FHIT: variants seen among roughly 807,000 people sequenced by gnomAD.
FHIT encodes the protein fragile histidine triad diadenosine triphosphatase.
FHIT carries 19 observed loss-of-function variants against 17.9 expected under a neutral mutation model. The observed-to-expected ratio is 1.06, with a 90% CI of 0.74 to 1.56. The LOEUF (loss-of-function observed/expected upper bound fraction) is 1.56, where lower values mean the gene tolerates loss of function less well. Ranked by LOEUF, FHIT falls within the 40% of genes most tolerant of loss-of-function variation. The pLI, the probability that FHIT is intolerant of heterozygous loss-of-function variation, is 0.00. For synonymous variants in FHIT, 81 were observed against 69.7 expected (o/e 1.16, Z -0.81); for missense variants, 248 against 189.2 (o/e 1.31, Z -1.82).
At chr3:60,932,821 T>C (rs1708028117) in intron 3 of FHIT, among the ~76,000 whole-genome samples, 1 of 152,154 alleles carries the variant, frequency 6.6e-6, no homozygotes, top group Non-Finnish European at 1.5e-5. Flanking sequence ...GGGTAGCCCC[T>C]AGCAGTTGGT....
In FHIT at chr3:60,731,839, G is replaced by A. The variant is rs574662636; in HGVS notation, c.-18+90080C>T. Among the ~76,000 whole-genome samples the A allele has an allele frequency of 2.5e-4, 38 of 152,232 alleles. No homozygotes were observed. The South Asian group carries it at 6.0e-3, about 24-fold the overall frequency. ...ACTGCCTGACCATCACCTGATGGTCGCCTGACATTCCTGGTGGGATGTGGG... is the reference window on the plus strand; with the variant it reads ...ACTGCCTGACCATCACCTGATGGTCACCTGACATTCCTGGTGGGATGTGGG... On this transcript the variant is annotated intron_variant, in intron 4 of 9. Transcript: ENST00000492590.
At chr3:60,372,121 T>A (rs916295241) in intron 5 of FHIT, among the ~76,000 whole-genome samples, 1 of 152,172 alleles carries the variant, frequency 6.6e-6, no homozygotes, top group Non-Finnish European at 1.5e-5. Context: ...TTTACCCAAA[T>A]GGTCTCTGAA....
intron 7 of FHIT, among the ~76,000 whole-genome samples, chr3:59,986,498 AATATATATAT>A (rs74199531): frequency 8.0e-5 from 5 of 62,334 alleles, no homozygotes; most frequent in African/African-American, 1.4e-4. Flanking sequence ...AGTAGTCCAA[AATATATATAT>A]ATATATATAT....
At chr3:60,724,394 T>G (rs1577119907) in intron 4 of FHIT, among the ~76,000 whole-genome samples, 2 of 152,226 alleles carry the variant, frequency 1.3e-5, no homozygotes, top group Admixed American at 1.3e-4. Context: ...AATGGAACTT[T>G]GTATTGTTTC....
At chr3:60,907,949 G>C (rs1706522983) in intron 3 of FHIT, among the ~76,000 whole-genome samples, 1 of 152,202 alleles carries the variant, frequency 6.6e-6, no homozygotes, top group African/African-American at 2.4e-5. Flanking sequence ...GCCCAGGCTA[G>C]TAAGTGGAGT....
rs368574081 is a variant in FHIT, at chr3:59,786,112, T to A, written c.349-33791A>T. On this transcript the variant is annotated intron_variant, in intron 8 of 9. Transcript: ENST00000492590. Reference sequence around the variant, plus strand: ...AAATGGGGGTAAGGAGGGAAACTTATCATCCTTTTCAGCCAGGTCTGGGCC... The same window carrying A: ...AAATGGGGGTAAGGAGGGAAACTTAACATCCTTTTCAGCCAGGTCTGGGCC... Among the ~76,000 whole-genome samples, 1,436 of 152,252 alleles carry A rather than the reference T, an allele frequency of 9.4e-3. 20 individuals are homozygous for A. The highest frequency in any genetic ancestry group is 0.017 in the Middle Eastern group (5 of 294).
intron 8 of FHIT, among the ~76,000 whole-genome samples, chr3:59,919,851 C>T (rs1398723729): frequency 1.3e-5 from 2 of 152,178 alleles, no homozygotes; most frequent in African/African-American, 4.8e-5. Context: ...TGATTAAGAT[C>T]ATTTGGTCTA....
intron 5 of FHIT, among the ~76,000 whole-genome samples, chr3:60,206,326 A>G (rs1703187926): frequency 6.6e-6 from 1 of 151,964 alleles, no homozygotes; most frequent in Non-Finnish European, 1.5e-5. Context: ...CCATAGTCCA[A>G]CACACCCTAT....
rs146276792 is a variant in FHIT at position 60,250,712 on chromosome 3, T to G, written c.104-236560A>C. The stretch of plus-strand genomic sequence containing the variant: ...TCTTCTTTTCATTTTTATGACAATT[T>G]TCTTCTTCAGGCTTTGCAATTACCC... On this transcript the variant is annotated intron_variant, in intron 5 of 9. Coordinates refer to ENST00000492590, the MANE Select transcript of FHIT (RefSeq NM_002012.4). 3.3e-5 allele frequency among the ~76,000 whole-genome samples: 5 copies of G among 152,272 alleles called. No homozygotes were observed. In the East Asian group the frequency reaches 9.7e-4, roughly 29 times the overall value.
At chr3:60,866,026 T>A (rs781953783) in intron 3 of FHIT, among the ~76,000 whole-genome samples, 2 of 152,096 alleles carry the variant, frequency 1.3e-5, no homozygotes, top group African/African-American at 2.4e-5. Flanking sequence ...AGGAAAGAAG[T>A]CTGCTCAGAT....
At chr3:59,921,654 A>T (rs1705409984) in intron 8 of FHIT, among the ~76,000 whole-genome samples, 1 of 80,114 alleles carries the variant, frequency 1.2e-5, no homozygotes, top group South Asian at 3.6e-4. Flanking sequence ...GGTAAATTGA[A>T]ATCACCTTAT....
At chr3:60,226,497 C>T (rs535655154) in intron 5 of FHIT, among the ~76,000 whole-genome samples, 3 of 99,558 alleles carry the variant, frequency 3.0e-5, no homozygotes, top group African/African-American at 1.4e-4. Context: ...AAAAAAAACA[C>T]TGCCTGCCTG....
At chr3:60,401,752 T>C (rs560140724) in intron 5 of FHIT, among the ~76,000 whole-genome samples, 1 of 152,300 alleles carries the variant, frequency 6.6e-6, no homozygotes, top group South Asian at 2.1e-4. Context: ...AATTTGAACA[T>C]TCCAAATTCT....
rs961228121 is a variant in FHIT, at chr3:60,852,537, T to C, written c.-110-30526A>G. Among the ~76,000 whole-genome samples the C allele has an allele frequency of 5.9e-5, 9 of 152,124 alleles. No homozygotes were observed. In the South Asian group the frequency reaches 1.9e-3, roughly 31 times the overall value. On this transcript the variant is annotated intron_variant, in intron 3 of 9. Transcript: ENST00000492590. ...TTTCTTCATCAGTCTGGCACCTAAC[T>C]GCATGTCTCTTTATGAAGTATGTAA...
chr3:59,952,474 G>A (rs1047276869), intron 7 of FHIT, among the ~76,000 whole-genome samples: 2 of 152,166 alleles, frequency 1.3e-5, no homozygotes, highest in Admixed American at 6.5e-5. Context: ...AATGTGACAC[G>A]CCACTTCCAG....
intron 1 of FHIT, among the ~76,000 whole-genome samples, chr3:61,236,808 C>G (rs1413367291): frequency 3.3e-5 from 5 of 152,162 alleles, no homozygotes; most frequent in Non-Finnish European, 7.3e-5. Flanking sequence ...TCTCTCTGCT[C>G]CCTGCTGACC....
rs574170252 is a variant in FHIT at position 61,226,368 on chromosome 3, C to G, written c.-213+24933G>C. 3.9e-5 allele frequency among the ~76,000 whole-genome samples: 6 copies of G among 152,290 alleles called. No individual in the cohort carries two copies. The South Asian group carries it at 1.2e-3, about 32-fold the overall frequency. On this transcript the variant is annotated intron_variant, in intron 1 of 9. Transcript: ENST00000492590. ...GCCCTTCACAAAGGCAGTCTATTTT[C>G]CTGCATTTCCCCTTCATGCCCTGAT...
intron 5 of FHIT, among the ~76,000 whole-genome samples, chr3:60,402,151 G>A (rs545719094): frequency 1.3e-5 from 2 of 152,118 alleles, no homozygotes; most frequent in South Asian, 4.2e-4. Flanking sequence ...GATTTAAAGA[G>A]AAAAAAAGAA....
intron 8 of FHIT, among the ~76,000 whole-genome samples, chr3:59,810,305 A>C (rs1700364353): frequency 6.6e-6 from 1 of 152,160 alleles, no homozygotes; most frequent in African/African-American, 2.4e-5. Context: ...AGAGTGACAA[A>C]TAAGACCCTG....
Sources: allele counts gnomAD v4.1 joint callset (sites outside exome capture counted in the v4.1 genomes callset), GRCh38; gene constraint gnomAD v4.1.1; transcripts MANE v1.5; gene names NCBI Gene and HGNC (gene_info 2026-07-23, HGNC 2026-07-21).